The following FGF12 variants were observed in gnomAD, a reference collection of about 807,000 sequenced individuals.
FGF12 encodes the protein fibroblast growth factor 12, also known as fibroblast growth factor 12B.
Under a neutral mutation model 23.6 loss-of-function variants are expected in FGF12, and 14 were observed. That is an observed-to-expected ratio of 0.59 (90% CI 0.39 to 0.93). The LOEUF is 0.93. FGF12 is among the 40% of genes least tolerant of loss of function. The probability of loss-of-function intolerance (pLI) is 0.00; values close to 1 mark genes in which losing one functional copy is unlikely to be tolerated. For missense variants in FGF12, 175 were observed against 217.8 expected (o/e 0.80, Z 1.24); for synonymous variants, 62 against 77.3 (o/e 0.80, Z 1.04).
chr3:192,638,706 A>C (rs1231770223), intron 2 of FGF12, among the ~76,000 whole-genome samples: 1 of 152,236 alleles, frequency 6.6e-6, no homozygotes, highest in Non-Finnish European at 1.5e-5. Context: ...CCCACAAGGT[A>C]GGTATTAGTT....
intron 2 of FGF12, among the ~76,000 whole-genome samples, chr3:192,600,374 G>T (rs1480662147): frequency 6.6e-6 from 1 of 151,662 alleles, no homozygotes; most frequent in Non-Finnish European, 1.5e-5. Flanking sequence ...GGCTATTTGG[G>T]GTCTTTTGTG....
intron 4 of FGF12, among the ~76,000 whole-genome samples, chr3:192,249,137 C>T (rs1456084772): frequency 2.0e-5 from 3 of 152,080 alleles, no homozygotes; most frequent in African/African-American, 7.2e-5. Flanking sequence ...TAATATTAAT[C>T]ACAAGTTTTT....
intron 2 of FGF12, among the ~76,000 whole-genome samples, chr3:192,613,115 T>C (rs999908088): frequency 2.0e-5 from 3 of 151,924 alleles, no homozygotes; most frequent in Non-Finnish European, 4.4e-5. Context: ...TTGTTTTATT[T>C]TGTTTTACTT....
intron 4 of FGF12, among the ~76,000 whole-genome samples, chr3:192,262,923 G>A (rs1041950356): frequency 3.3e-5 from 5 of 151,902 alleles, no homozygotes; most frequent in African/African-American, 1.2e-4. Flanking sequence ...AAGAAAAGAT[G>A]TCAGATTTCA....
intron 2 of FGF12, among the ~76,000 whole-genome samples, chr3:192,434,889 C>T (rs553769573): frequency 1.1e-4 from 16 of 151,730 alleles, no homozygotes; most frequent in South Asian, 6.3e-4. Context: ...CATTTAATTG[C>T]GGTTAGCAGT....
chr3:192,650,359 A>G (rs1716172008), intron 2 of FGF12, among the ~76,000 whole-genome samples: 1 of 152,162 alleles, frequency 6.6e-6, no homozygotes, highest in Non-Finnish European at 1.5e-5. Flanking sequence ...ACTGTTTCAC[A>G]TCTCCATGCC....
In FGF12 at chr3:192,275,954, C is replaced by T. The variant is rs953237301; in HGVS notation, c.228+59407G>A. On this transcript the variant is annotated intron_variant, in intron 4 of 5. Transcript: ENST00000445105. The stretch of plus-strand genomic sequence containing the variant: ...CCCTTTCCCTGTAATCTGAAACTAA[C>T]ATAAATTATATTACCAACAGCATCT... 2.0e-5 allele frequency among the ~76,000 whole-genome samples: 3 copies of T among 152,164 alleles called. 1 individual carries two copies. The highest frequency in any genetic ancestry group is 4.1e-4 in the South Asian group (2 of 4,824).
intron 2 of FGF12, among the ~76,000 whole-genome samples, chr3:192,367,059 T>A (rs1719017380): frequency 6.6e-6 from 1 of 152,212 alleles, no homozygotes; most frequent in Non-Finnish European, 1.5e-5. Flanking sequence ...GTGAAGGACG[T>A]GGACGTCTCC....
chr3:192,556,149 C>T (rs1711764374), intron 2 of FGF12, among the ~76,000 whole-genome samples: 1 of 152,002 alleles, frequency 6.6e-6, no homozygotes, highest in African/African-American at 2.4e-5. Flanking sequence ...AATAAAATGG[C>T]AATCATAAGT....
intron 2 of FGF12, among the ~76,000 whole-genome samples, chr3:192,568,021 T>TG (rs1415979347): frequency 2.0e-5 from 3 of 151,926 alleles, no homozygotes; most frequent in Non-Finnish European, 4.4e-5. Flanking sequence ...TTAATAGAGA[T>TG]GGGGTTTCAC....
At chr3:192,480,438 T>A (rs1042548224) in intron 2 of FGF12, among the ~76,000 whole-genome samples, 1 of 152,296 alleles carries the variant, frequency 6.6e-6, no homozygotes, top group South Asian at 2.1e-4. Flanking sequence ...AGTCACTCAT[T>A]GTAGAAATGG....
chr3:192,499,342 T>G (rs1051254956), intron 2 of FGF12, among the ~76,000 whole-genome samples: 7 of 151,060 alleles, frequency 4.6e-5, no homozygotes, highest in African/African-American at 1.7e-4. Context: ...AAATCCCAAG[T>G]GTACTAAGAG....
At chr3:192,427,546 T>A (rs948053159) in intron 2 of FGF12, among the ~76,000 whole-genome samples, 2 of 152,214 alleles carry the variant, frequency 1.3e-5, no homozygotes, top group Non-Finnish European at 2.9e-5. Flanking sequence ...ATTATCTGGA[T>A]AGGACAATCT....
intron 2 of FGF12, among the ~76,000 whole-genome samples, chr3:192,646,798 G>T (rs147795006): frequency 9.3e-4 from 141 of 152,222 alleles, no homozygotes; most frequent in South Asian, 7.5e-3. Context: ...GGTGGTAGAT[G>T]CACAACTCTA....
chr3:192,288,857 T>C (rs148657787), intron 4 of FGF12, among the ~76,000 whole-genome samples: 6 of 152,216 alleles, frequency 3.9e-5, no homozygotes, highest in African/African-American at 1.4e-4. Context: ...ATATAAACAC[T>C]ATATTTCCAT....
At chr3:192,386,882 A>G (rs1035840298) in intron 2 of FGF12, among the ~76,000 whole-genome samples, 90 of 152,308 alleles carry the variant, frequency 5.9e-4, no homozygotes, top group African/African-American at 2.1e-3. Context: ...GAACACTTAC[A>G]ATGTTTCAGG....
intron 4 of FGF12, among the ~76,000 whole-genome samples, chr3:192,186,153 T>C (rs1431397886): frequency 2.0e-5 from 3 of 152,162 alleles, no homozygotes. Context: ...GAAATTCAAA[T>C]ATATGTTAAC....
chr3:192,603,989 C>T (rs1040827220), intron 2 of FGF12, among the ~76,000 whole-genome samples: 2 of 152,026 alleles, frequency 1.3e-5, no homozygotes, highest in Non-Finnish European at 2.9e-5. Flanking sequence ...ATTCCCAGAG[C>T]GGCCGTTTAT....
intron 4 of FGF12, among the ~76,000 whole-genome samples, chr3:192,274,308 G>A (rs1028631023): frequency 1.3e-5 from 2 of 152,098 alleles, no homozygotes; most frequent in South Asian, 2.1e-4. Context: ...ATATTACAGT[G>A]AGAAAATCAG....
Sources: gnomAD v4.1 joint callset for allele counts (sites outside exome capture counted in the v4.1 genomes callset) on GRCh38, gnomAD v4.1.1 for gene constraint, MANE v1.5 for transcripts, NCBI Gene and HGNC (gene_info 2026-07-23, HGNC 2026-07-21) for gene names.